The following KIF7 variants were observed in gnomAD, a reference collection of about 807,000 sequenced individuals.
KIF7 encodes kinesin family member 7.
KIF7 carries 104 observed loss-of-function variants against 135.7 expected under a neutral mutation model. The observed-to-expected ratio is 0.77, with a 90% CI of 0.65 to 0.90. The LOEUF is 0.90. Among genes scored for constraint, KIF7 ranks in the 40% least tolerant of loss-of-function variants. The pLI is 0.00. For synonymous variants in KIF7, 883 were observed against 809.4 expected, an observed-to-expected ratio of 1.09 and a Z score of -1.54; for missense variants, 2,005 against 1,839.1, an observed-to-expected ratio of 1.09 and a Z score of -1.65.
At position 89,632,837 on chromosome 15, in the gene KIF7, G is replaced by T; in HGVS notation, c.2878C>A (p.Arg960Ser). The part of the protein sequence containing the change: ...MQEKTGLESK[R>S]LRSSQALNED... ...GGCCTCACCTGGCTGGATCTCAGGC[G>T]CTTGCTCTCCAGCCCCGTCTTCTCC... Residue 960 changes from arginine to serine, a missense_variant, in exon 14 of 19, where the codon CGC becomes AGC. Coordinates refer to ENST00000394412, the MANE Select transcript of KIF7 (RefSeq NM_198525.3). 1 of 1,606,954 alleles carries T rather than the reference G, an allele frequency of 6.2e-7. No individual in the cohort carries two copies.
At chr15:89,640,510 G>T (rs1192236555) in intron 11 of KIF7, among the ~76,000 whole-genome samples, 1 of 152,104 alleles carries the variant, frequency 6.6e-6, no homozygotes, top group Non-Finnish European at 1.5e-5. Context: ...CTAGTAAGTG[G>T]TAGAACTGGG....
At chr15:89,619,858 C>G in intron 1 of KIF7, 1 of 1,597,272 alleles carries the variant, frequency 6.3e-7, no homozygotes, top group East Asian at 2.2e-5. Flanking sequence ...ATACGGGCCC[C>G]TCTGCCTTCA....
chr15:89,642,197 A>ACTAACCTGCACCTGGCTCTGGGCCGCAG lies in KIF7; in HGVS notation c.2372_2394+5dup. On this transcript the variant is annotated splice_donor_region_variant and intron_variant, in intron 11 of 18. Transcript: ENST00000394412. ...CAGCACCCCACCCTGAGGCCCCGAG[A>ACTAACCTGCACCTGGCTCTGGGCCGCAG]CTAACCTGCACCTGGCTCTGGGCCG... is the stretch of plus-strand genomic sequence containing the variant. 6.2e-7 allele frequency: 1 copy of ACTAACCTGCACCTGGCTCTGGGCCGCAG among 1,609,570 alleles called. No homozygotes were observed. Among genetic ancestry groups the ACTAACCTGCACCTGGCTCTGGGCCGCAG allele is most frequent in the Non-Finnish European group, 8.5e-7 (1 of 1,179,256 alleles).
rs904407567 is a variant in KIF7 at position 89,652,309 on chromosome 15, C to T, written c.328+294G>A. Among the ~76,000 whole-genome samples, 6 of 152,156 alleles carry T rather than the reference C, an allele frequency of 3.9e-5. No individual in the cohort carries two copies. In the South Asian group the frequency reaches 6.2e-4, roughly 16 times the overall value. ...GCCAGCCTGACAACCTCTAGAGACA[C>T]GCCACCTTCCCGTGCCCTTCCTCTG... On this transcript the variant is annotated intron_variant, in intron 2 of 18. Coordinates refer to ENST00000394412, the MANE Select transcript of KIF7 (RefSeq NM_198525.3).
At chr15:89,619,857 C>T (rs370735078) in intron 1 of KIF7, 6 of 1,597,176 alleles carry the variant, frequency 3.8e-6, no homozygotes, top group Middle Eastern at 1.7e-4. Flanking sequence ...CATACGGGCC[C>T]CTCTGCCTTC....
At chr15:89,623,488 T>C, downstream of KIF7, 1 of 939,234 alleles carries the variant, frequency 1.1e-6, no homozygotes, top group Non-Finnish European at 1.6e-6. Flanking sequence ...AACGGGTCAC[T>C]ATTTGAGATT....
At chr15:89,629,224 G>T in intron 17 of KIF7, 102 bp from the exon 18 acceptor site, 1 of 1,151,686 alleles carries the variant, frequency 8.7e-7, no homozygotes, top group Non-Finnish European at 1.2e-6. Flanking sequence ...GGCCGGGGTT[G>T]TGAGCGGTGG....
At position 89,629,574 on chromosome 15, in the gene KIF7, C is replaced by A. The variant is rs909079790; in HGVS notation, c.3319-1G>T. ...GCTGCTCCTCTCGGAGCGTCACCAC[C>A]TGTCCCAAGACCCAGCCAGGCTCAG... On this transcript the variant is annotated splice_acceptor_variant, in intron 16 of 18. Transcript: ENST00000394412. LOFTEE classifies it high-confidence loss of function. 6.2e-7 allele frequency: 1 copy of A among 1,605,098 alleles called. No homozygotes were observed. Among genetic ancestry groups the A allele is most frequent in the African/African-American group, 1.3e-5 (1 of 75,060 alleles).
chr15:89,626,129 G>A, downstream of KIF7: 2 of 1,580,338 alleles, frequency 1.3e-6, no homozygotes, highest in Admixed American at 1.8e-5. Flanking sequence ...GGGTTGCCAG[G>A]CAGCTCGATT....
At chr15:89,644,971 G>C in intron 10 of KIF7, 42 bp downstream of exon 10, 2 of 1,603,044 alleles carry the variant, frequency 1.2e-6, no homozygotes, top group East Asian at 2.2e-5. Flanking sequence ...ACGATGAGAA[G>C]TCCCCCTCGG....
At chr15:89,653,627 G>C (rs2142038013) in intron 1 of KIF7, among the ~76,000 whole-genome samples, 1 of 152,242 alleles carries the variant, frequency 6.6e-6, no homozygotes, top group African/African-American at 2.4e-5. Flanking sequence ...ACCCAGACTG[G>C]AGTACAGTGG....
downstream of KIF7, chr15:89,624,290 A>T (rs757820580): frequency 1.7e-5 from 28 of 1,614,098 alleles, no homozygotes; most frequent in Non-Finnish European, 2.3e-5. Flanking sequence ...CCATTTAGGA[A>T]ATCTAAAATA....
At chr15:89,631,142 A>C in intron 15 of KIF7, 1 of 296,048 alleles carries the variant, frequency 3.4e-6, no homozygotes, top group Non-Finnish European at 6.4e-6. Context: ...TGCTCAGGGA[A>C]CACAGATGTG....
downstream of KIF7, chr15:89,626,159 T>C (rs940658860): frequency 4.8e-6 from 7 of 1,460,716 alleles, no homozygotes; most frequent in African/African-American, 5.7e-5. Flanking sequence ...CCCCAGGGAG[T>C]GCCAAGTGTG....
rs534910935 is a variant in KIF7 at position 89,649,998 on chromosome 15, C to G, written c.329-57G>C. ...TCAGCTGGACACGGCCCATGGCCCC[C>G]AGGCCCGGAAGCTCATAGGCCCCTG... On this transcript the variant is annotated intron_variant, in intron 2 of 18. Transcript: ENST00000394412. 80 of 1,518,266 alleles carry G rather than the reference C, an allele frequency of 5.3e-5. 1 individual carries two copies. In the African/African-American group the frequency reaches 9.9e-4, roughly 19 times the overall value. The allele number at this position is 1,518,266 out of a possible 1,614,324, so 94.0% of individuals were successfully genotyped here. A position where few individuals can be genotyped will look rare whatever the true frequency, so the allele number is the denominator to read the frequency against.
At chr15:89,618,930 G>C (rs891754580) in intron 1 of KIF7, among the ~76,000 whole-genome samples, 2 of 152,226 alleles carry the variant, frequency 1.3e-5, no homozygotes, top group African/African-American at 4.8e-5. Context: ...CTGCACTCCA[G>C]CCTAGCGACA....
At chr15:89,636,910 A>G (rs1164118755) in intron 11 of KIF7, among the ~76,000 whole-genome samples, 1 of 146,078 alleles carries the variant, frequency 6.8e-6, no homozygotes, top group Non-Finnish European at 1.5e-5. Flanking sequence ...CTATTCCAAA[A>G]TTGACCACAT....
chr15:89,631,799 C>T (rs962461309), intron 14 of KIF7, 89 bp from the exon 15 acceptor site: 36 of 1,160,176 alleles, frequency 3.1e-5, no homozygotes, highest in African/African-American at 3.1e-4. Context: ...GGAGGACTTG[C>T]GTCCTTCCCT....
chr15:89,634,361 T>C (rs2142003652), intron 11 of KIF7, among the ~76,000 whole-genome samples: 1 of 152,170 alleles, frequency 6.6e-6, no homozygotes, highest in South Asian at 2.1e-4. Flanking sequence ...AGTCTACAGC[T>C]CCCAGCGTGA....
Sources: gnomAD v4.1 joint callset for allele counts (sites outside exome capture counted in the v4.1 genomes callset) on GRCh38, gnomAD v4.1.1 for gene constraint, MANE v1.5 for transcripts, NCBI Gene and HGNC (gene_info 2026-07-23, HGNC 2026-07-21) for gene names.